The following TMEM238L variants were observed in gnomAD, a reference collection of about 807,000 sequenced individuals.
TMEM238L encodes transmembrane protein 238 like, also known as transmembrane protein 238-like.
Position 10,802,801 on chromosome 17 carries a change from C to T in TMEM238L, c.*118+805G>A, listed in dbSNP as rs866945526. 2.0e-5 allele frequency among the ~76,000 whole-genome samples: 3 copies of T among 152,274 alleles called. No individual in the cohort carries two copies. The South Asian group carries it at 6.2e-4, about 32-fold the overall frequency. On this transcript the variant is annotated intron_variant, in intron 1 of 1. Transcript: ENST00000581851. ...CATCTCTAATTCAGGGTTGTAAGGACCAGACCACTCTATCTCTGGGACTCT... is the reference window on the plus strand; with the variant it reads ...CATCTCTAATTCAGGGTTGTAAGGATCAGACCACTCTATCTCTGGGACTCT...
intron 1 of TMEM238L, among the ~76,000 whole-genome samples, chr17:10,799,386 C>G (rs141553718): frequency 2.6e-5 from 4 of 152,104 alleles, no homozygotes; most frequent in African/African-American, 9.7e-5. Flanking sequence ...TTAGTAGAGA[C>G]GGGGTTTCAC....
chr17:10,801,025 A>G (rs370480509), intron 1 of TMEM238L, among the ~76,000 whole-genome samples: 2 of 151,276 alleles, frequency 1.3e-5, no homozygotes, highest in Admixed American at 6.6e-5. Flanking sequence ...GCCTCTGCTT[A>G]TATCTCTTCA....
At chr17:10,799,008 G>A (rs962589661) in intron 1 of TMEM238L, among the ~76,000 whole-genome samples, 9 of 151,926 alleles carry the variant, frequency 5.9e-5, no homozygotes, top group Non-Finnish European at 1.3e-4. Context: ...ATAAAAATCA[G>A]CCACTCGCCC....
chr17:10,801,855 C>T (rs1904757772), intron 1 of TMEM238L, among the ~76,000 whole-genome samples: 1 of 151,960 alleles, frequency 6.6e-6, no homozygotes, highest in African/African-American at 2.4e-5. Flanking sequence ...AATCTCTGCT[C>T]ACTGCAGCCT....
rs931100032 is a variant in TMEM238L at position 10,804,014 on chromosome 17, A to C, written c.-51T>G. 1.2e-5 allele frequency: 5 copies of C among 400,474 alleles called. No homozygotes were observed. The South Asian group carries it at 3.8e-4, about 30-fold the overall frequency. 24.8% of individuals were successfully genotyped at this position (400,474 alleles called of 1,614,324 possible). ...AGCTGCACTCCCGGGGGTGATTTGC[A>C]TGGGAGGGTGGCGGTCCTGCCTGCT... On this transcript the variant is annotated 5_prime_UTR_variant, in exon 1 of 2. An upstream start codon of the reference 5' UTR is lost. Transcript: ENST00000581851.
At chr17:10,799,849 C>T (rs1011410468) in intron 1 of TMEM238L, among the ~76,000 whole-genome samples, 1 of 152,104 alleles carries the variant, frequency 6.6e-6, no homozygotes, top group Admixed American at 6.5e-5. Flanking sequence ...ACTCCTGTCC[C>T]CTCACTCTGC....
rs142558522 is a variant in TMEM238L at position 10,798,699 on chromosome 17, G to A, written c.*119-2751C>T. On this transcript the variant is annotated intron_variant, in intron 1 of 1. Transcript: ENST00000581851. ...TCTGTGAGTGTGTGTTTCTGGATGT[G>A]TGTGGTAGGTGTGAGTGTGTGGGGG... Among the ~76,000 whole-genome samples, 283 of 152,136 alleles carry A rather than the reference G, an allele frequency of 1.9e-3. 1 individual carries two copies. The highest frequency in any genetic ancestry group is 6.6e-3 in the African/African-American group (274 of 41,504).
chr17:10,797,487 C>G (rs895312241), intron 1 of TMEM238L, among the ~76,000 whole-genome samples: 1 of 150,116 alleles, frequency 6.7e-6, no homozygotes, highest in African/African-American at 2.4e-5. Flanking sequence ...CCACATGTCT[C>G]TAACCCCTAA....
chr17:10,799,832 C>T (rs1421725502), intron 1 of TMEM238L, among the ~76,000 whole-genome samples: 1 of 152,144 alleles, frequency 6.6e-6, no homozygotes, highest in Non-Finnish European at 1.5e-5. Context: ...GTGGGTAGGG[C>T]TGCTGGACTC....
At chr17:10,799,302 A>T (rs1904659973) in intron 1 of TMEM238L, among the ~76,000 whole-genome samples, 1 of 152,174 alleles carries the variant, frequency 6.6e-6, no homozygotes, top group Non-Finnish European at 1.5e-5. Flanking sequence ...GGTTCAAGCT[A>T]TTCTTCTGCC....
At chr17:10,800,793 T>C (rs997841928) in intron 1 of TMEM238L, among the ~76,000 whole-genome samples, 2 of 152,034 alleles carry the variant, frequency 1.3e-5, no homozygotes, top group Non-Finnish European at 2.9e-5. Flanking sequence ...CAAGCCAGAG[T>C]CTAGGTATGG....
At chr17:10,801,702 G>A (rs1265075626) in intron 1 of TMEM238L, among the ~76,000 whole-genome samples, 1 of 151,908 alleles carries the variant, frequency 6.6e-6, no homozygotes, top group Non-Finnish European at 1.5e-5. Flanking sequence ...TTGTACTTTT[G>A]TAAGTGTGAA....
chr17:10,797,081 A>G (rs1201479969), intron 1 of TMEM238L, among the ~76,000 whole-genome samples: 1 of 152,172 alleles, frequency 6.6e-6, no homozygotes, highest in South Asian at 2.1e-4. Flanking sequence ...GTAGTTGCCT[A>G]CCCCTGGTCT....
intron 1 of TMEM238L, chr17:10,797,781 C>G (rs935322721): frequency 2.6e-5 from 4 of 152,260 alleles, no homozygotes; most frequent in African/African-American, 9.7e-5. Context: ...CCGTGGCCAT[C>G]ATTTCAGCTT....
chr17:10,801,847 T>C (rs1904757538), intron 1 of TMEM238L, among the ~76,000 whole-genome samples: 2 of 151,970 alleles, frequency 1.3e-5, no homozygotes, highest in African/African-American at 4.8e-5. Context: ...AGTGGTGCAA[T>C]CTCTGCTCAC....
At chr17:10,798,040 C>T (rs1362632631) in intron 1 of TMEM238L, 2 of 152,156 alleles carry the variant, frequency 1.3e-5, no homozygotes, top group Non-Finnish European at 2.9e-5. Context: ...AATGTGCCTG[C>T]TTAGCTTTTC....
chr17:10,802,905 C>G (rs564064856), intron 1 of TMEM238L, among the ~76,000 whole-genome samples: 1 of 152,196 alleles, frequency 6.6e-6, no homozygotes, highest in Non-Finnish European at 1.5e-5. Flanking sequence ...TGCAACTCAG[C>G]GGATGAAATC....
intron 1 of TMEM238L, among the ~76,000 whole-genome samples, chr17:10,797,314 T>G (rs1904584723): frequency 6.6e-6 from 1 of 152,092 alleles, no homozygotes; most frequent in Non-Finnish European, 1.5e-5. Flanking sequence ...AGGGCCTGGT[T>G]CAGTGAATCT....
At chr17:10,797,147 G>A (rs539800693) in intron 1 of TMEM238L, among the ~76,000 whole-genome samples, 2 of 152,218 alleles carry the variant, frequency 1.3e-5, no homozygotes, top group Non-Finnish European at 2.9e-5. Flanking sequence ...AATCTGGCTC[G>A]ATCACTGCCT....
Sources: allele counts gnomAD v4.1 joint callset (sites outside exome capture counted in the v4.1 genomes callset), GRCh38; gene constraint gnomAD v4.1.1; transcripts MANE v1.5; gene names NCBI Gene and HGNC (gene_info 2026-07-23, HGNC 2026-07-21).